CHRNA7: variants seen among roughly 807,000 people sequenced by gnomAD.
CHRNA7 encodes cholinergic receptor nicotinic alpha 7 subunit.
In CHRNA7, 17 loss-of-function variants were observed where a neutral mutation model predicts 48.0. The observed-to-expected ratio is 0.35, with a 90% CI of 0.24 to 0.53. The LOEUF (loss-of-function observed/expected upper bound fraction) is 0.53. Among genes scored for constraint, CHRNA7 ranks in the 20% least tolerant of loss-of-function variants. The probability of loss-of-function intolerance (pLI) is 0.92; values close to 1 mark genes in which losing one functional copy is unlikely to be tolerated. For synonymous variants in CHRNA7, 75 were observed against 242.3 expected (o/e 0.31, Z 6.41); for missense variants, 155 against 577.7 (o/e 0.27, Z 7.50).
At chr15:32,072,440 G>A (rs972368537) in intron 2 of CHRNA7, among the ~76,000 whole-genome samples, 2 of 152,208 alleles carry the variant, frequency 1.3e-5, no homozygotes, top group Admixed American at 6.5e-5. Flanking sequence ...AGGACAATAA[G>A]CAGATTGTGT....
At chr15:32,042,613 A>T (rs2049468989) in intron 2 of CHRNA7, among the ~76,000 whole-genome samples, 1 of 152,156 alleles carries the variant, frequency 6.6e-6, no homozygotes, top group African/African-American at 2.4e-5. Flanking sequence ...TTCCAGTTTC[A>T]GGTTTTCTTA....
intron 2 of CHRNA7, among the ~76,000 whole-genome samples, chr15:32,051,921 C>T (rs1474323715): frequency 3.9e-5 from 6 of 152,168 alleles, no homozygotes; most frequent in Non-Finnish European, 8.8e-5. Context: ...AAGTGATCTG[C>T]CCGCCTTGGC....
At chr15:32,083,000 G>A (rs1340288148) in intron 2 of CHRNA7, among the ~76,000 whole-genome samples, 1 of 152,130 alleles carries the variant, frequency 6.6e-6, no homozygotes, top group Non-Finnish European at 1.5e-5. Flanking sequence ...GCCTCGTGTG[G>A]TGGTGCACAC....
chr15:32,041,014 G>GATTTC (rs563974271), intron 2 of CHRNA7, among the ~76,000 whole-genome samples: 166 of 152,162 alleles, frequency 1.1e-3, no homozygotes, highest in African/African-American at 3.9e-3. Flanking sequence ...ATGTAAGTCA[G>GATTTC]ATGTAATTCT....
rs71113441 is a variant in CHRNA7, at chr15:32,070,669, C to CTTTTTTTTTTTTTTTTTTTTT, written c.196-30619_196-30599dup. 1.2e-4 allele frequency among the ~76,000 whole-genome samples: 5 copies of CTTTTTTTTTTTTTTTTTTTTT among 40,894 alleles called. 1 individual carries two copies. Among genetic ancestry groups the CTTTTTTTTTTTTTTTTTTTTT allele is most frequent in the African/African-American group, 3.7e-4 (4 of 10,772 alleles). The allele number at this position is 40,894 out of a possible 152,430, so 26.8% of individuals were successfully genotyped here. A position where few individuals can be genotyped will look rare whatever the true frequency, so the allele number is the denominator to read the frequency against. On this transcript the variant is annotated intron_variant, in intron 2 of 9. Transcript: ENST00000306901. ...TGTGTGAACATGTGAGGTTTAGTTC[C>CTTTTTTTTTTTTTTTTTTTTT]TTTTTTTTTTTTTTTTTTTTTTTTT...
At chr15:32,132,175 T>C (rs144272039) in intron 4 of CHRNA7, among the ~76,000 whole-genome samples, 1 of 152,298 alleles carries the variant, frequency 6.6e-6, no homozygotes, top group African/African-American at 2.4e-5. Flanking sequence ...CGCTCTTGGC[T>C]AGACACGGTC....
chr15:32,032,591 A>T (rs1051676090), intron 2 of CHRNA7, among the ~76,000 whole-genome samples: 3 of 152,196 alleles, frequency 2.0e-5, no homozygotes, highest in Non-Finnish European at 4.4e-5. Context: ...ACACCCCGCA[A>T]GTGGTGTGTG....
intron 4 of CHRNA7, among the ~76,000 whole-genome samples, chr15:32,121,244 G>A (rs1658294639): frequency 6.6e-6 from 1 of 152,220 alleles, no homozygotes; most frequent in African/African-American, 2.4e-5. Flanking sequence ...AGTCGGCCGG[G>A]TGGTATTTTC....
intron 4 of CHRNA7, among the ~76,000 whole-genome samples, chr15:32,131,332 C>A (rs2141317668): frequency 6.6e-6 from 1 of 152,130 alleles, no homozygotes; most frequent in Admixed American, 6.5e-5. Flanking sequence ...TTTGTTATGG[C>A]TTCACACCCC....
intron 4 of CHRNA7, among the ~76,000 whole-genome samples, chr15:32,147,874 C>G (rs749418432): frequency 4.6e-5 from 7 of 152,224 alleles, no homozygotes; most frequent in Admixed American, 1.3e-4. Context: ...AACAGCCTTG[C>G]TTTCCCTCTG....
intron 2 of CHRNA7, among the ~76,000 whole-genome samples, chr15:32,074,940 C>T (rs1386112620): frequency 3.9e-5 from 6 of 152,218 alleles, no homozygotes; most frequent in Admixed American, 1.3e-4. Flanking sequence ...TGTGCCACCG[C>T]GGCTGGCCAG....
chr15:32,042,116 T>C (rs554740444), intron 2 of CHRNA7, among the ~76,000 whole-genome samples: 5 of 87,610 alleles, frequency 5.7e-5, no homozygotes, highest in South Asian at 9.9e-4. Flanking sequence ...GGAACTGCTG[T>C]AAATTAATAA....
chr15:32,114,719 C>G (rs2050838712), intron 4 of CHRNA7, among the ~76,000 whole-genome samples: 1 of 152,250 alleles, frequency 6.6e-6, no homozygotes, highest in Non-Finnish European at 1.5e-5. Context: ...AGACACTTAT[C>G]TATTGCTACA....
intron 1 of CHRNA7, 74 bp downstream of exon 1, chr15:32,030,723 CG>C: frequency 6.5e-7 from 1 of 1,534,970 alleles, no homozygotes; most frequent in Non-Finnish European, 8.7e-7. Context: ...CTGTGCGCCC[CG>C]CGCCTGGGCC....
At chr15:32,107,332 G>A (rs1409988893) in intron 3 of CHRNA7, among the ~76,000 whole-genome samples, 29 of 152,016 alleles carry the variant, frequency 1.9e-4, no homozygotes, top group Admixed American at 1.7e-3. Context: ...CTGAAAATTC[G>A]AGGGTTCCCA....
chr15:32,104,432 C>T (rs547929347), intron 3 of CHRNA7, among the ~76,000 whole-genome samples: 6 of 152,292 alleles, frequency 3.9e-5, no homozygotes, highest in African/African-American at 1.4e-4. Flanking sequence ...AAACCCTCCC[C>T]TCCACCTCCA....
chr15:32,073,965 C>T (rs1316565388), intron 2 of CHRNA7, among the ~76,000 whole-genome samples: 1 of 151,974 alleles, frequency 6.6e-6, no homozygotes, highest in East Asian at 1.9e-4. Context: ...CATTGGTCTT[C>T]CTTCATTGTT....
At chr15:32,152,333 C>T (rs542443111) in intron 4 of CHRNA7, among the ~76,000 whole-genome samples, 3 of 152,282 alleles carry the variant, frequency 2.0e-5, no homozygotes, top group African/African-American at 7.2e-5. Context: ...ATCCCAGCTA[C>T]TCAGGAGGCT....
chr15:32,104,601 G>A (rs571620441), intron 3 of CHRNA7, among the ~76,000 whole-genome samples: 4 of 152,172 alleles, frequency 2.6e-5, no homozygotes, highest in East Asian at 1.9e-4. Flanking sequence ...AGGTGCATTC[G>A]GTCACTGCCG....
Sources: gnomAD v4.1 joint callset for allele counts (sites outside exome capture counted in the v4.1 genomes callset) on GRCh38, gnomAD v4.1.1 for gene constraint, MANE v1.5 for transcripts, NCBI Gene and HGNC (gene_info 2026-07-23, HGNC 2026-07-21) for gene names.